Variants in BAALC observed in about 807,000 individuals in gnomAD.
BAALC encodes the protein BAALC binder of MAP3K1 and KLF4.
A neutral mutation model predicts 15.5 loss-of-function variants in BAALC; 9 were observed. The ratio of observed to expected loss-of-function variants is 0.58; its 90% CI spans 0.35 to 1.02. The LOEUF (loss-of-function observed/expected upper bound fraction) is 1.02, where lower values mean the gene tolerates loss of function less well. Ranked by LOEUF, BAALC falls within the 50% of genes least tolerant of loss-of-function variation. The pLI, the probability that BAALC is intolerant of heterozygous loss-of-function variation, is 0.02. For missense variants in BAALC, 201 were observed against 192.4 expected (o/e 1.04, Z -0.27); for synonymous variants, 80 against 74.6 (o/e 1.07, Z -0.37).
intron 1 of BAALC, among the ~76,000 whole-genome samples, chr8:103,166,629 A>AT (rs994363502): frequency 1.3e-5 from 2 of 152,112 alleles, no homozygotes; most frequent in African/African-American, 2.4e-5. Flanking sequence ...ATCTGATTTT[A>AT]TTTTTTTGAA....
At chr8:103,164,799 C>T (rs1187375761) in intron 1 of BAALC, among the ~76,000 whole-genome samples, 1 of 152,194 alleles carries the variant, frequency 6.6e-6, no homozygotes, top group African/African-American at 2.4e-5. Flanking sequence ...CTCTGTTTTC[C>T]CCATACGCCT....
chr8:103,179,595 G>T (rs1235873017), intron 1 of BAALC, among the ~76,000 whole-genome samples: 1 of 152,196 alleles, frequency 6.6e-6, no homozygotes, highest in Non-Finnish European at 1.5e-5. Context: ...GAGATGGCTC[G>T]GCTAAAGTCA....
chr8:103,207,361 T>A (rs570179808), intron 1 of BAALC, among the ~76,000 whole-genome samples: 2 of 152,310 alleles, frequency 1.3e-5, no homozygotes, highest in East Asian at 3.9e-4. Context: ...CCAGCGTATG[T>A]AGCATCTTCA....
At chr8:103,184,688 A>T (rs713369) in intron 1 of BAALC, among the ~76,000 whole-genome samples, 15,530 of 152,188 alleles carry the variant, frequency 0.1, 1,048 homozygotes, top group East Asian at 0.33. Flanking sequence ...TGTATATGGG[A>T]GGGAGGACAA....
intron 1 of BAALC, among the ~76,000 whole-genome samples, chr8:103,193,697 G>A (rs1812026260): frequency 6.6e-6 from 1 of 152,178 alleles, no homozygotes; most frequent in South Asian, 2.1e-4. Flanking sequence ...TTCCTAGTCT[G>A]TAAAATGAGA....
At chr8:103,158,224 T>A (rs150785935) in intron 1 of BAALC, among the ~76,000 whole-genome samples, 295 of 152,314 alleles carry the variant, frequency 1.9e-3, no homozygotes, top group South Asian at 4.1e-3. Context: ...GCTGATTGCC[T>A]CCCTGTGGTG....
At chr8:103,152,869 C>T (rs1811014511) in intron 1 of BAALC, among the ~76,000 whole-genome samples, 1 of 152,192 alleles carries the variant, frequency 6.6e-6, no homozygotes, top group Non-Finnish European at 1.5e-5. Context: ...CTGCGAGATG[C>T]TGCACCATCT....
chr8:103,226,150 T>A (rs1350809797), intron 2 of BAALC, among the ~76,000 whole-genome samples: 1 of 152,110 alleles, frequency 6.6e-6, no homozygotes, highest in Non-Finnish European at 1.5e-5. Flanking sequence ...GACCAAGATG[T>A]CATTATACAG....
intron 1 of BAALC, among the ~76,000 whole-genome samples, chr8:103,174,952 G>T (rs1325221172): frequency 6.6e-6 from 1 of 152,128 alleles, no homozygotes; most frequent in African/African-American, 2.4e-5. Flanking sequence ...TTGAAAAAAT[G>T]GTAACCACTG....
At chr8:103,221,901 C>T (rs140865692) in intron 2 of BAALC, among the ~76,000 whole-genome samples, 4 of 152,158 alleles carry the variant, frequency 2.6e-5, no homozygotes, top group African/African-American at 9.6e-5. Flanking sequence ...AGAGTATGTG[C>T]CCAAGGTGGT....
intron 1 of BAALC, among the ~76,000 whole-genome samples, chr8:103,145,903 T>C (rs1232907603): frequency 1.3e-5 from 2 of 152,228 alleles, no homozygotes; most frequent in Non-Finnish European, 1.5e-5. Context: ...TTTCATCTTA[T>C]TGGTTTCAGT....
chr8:103,165,286 ATC>A (rs1811319327), intron 1 of BAALC, among the ~76,000 whole-genome samples: 1 of 152,180 alleles, frequency 6.6e-6, no homozygotes, highest in Non-Finnish European at 1.5e-5. Context: ...AGCCATTGGC[ATC>A]TTGGGTGGGA....
chr8:103,192,040 AATTATT>A (rs1811979871), intron 1 of BAALC, among the ~76,000 whole-genome samples: 2 of 152,008 alleles, frequency 1.3e-5, no homozygotes, highest in African/African-American at 4.8e-5. Context: ...ACAACTACTT[AATTATT>A]ATTATTATTG....
chr8:103,208,766 C>A (rs563934232), intron 1 of BAALC, among the ~76,000 whole-genome samples: 1 of 152,184 alleles, frequency 6.6e-6, no homozygotes, highest in Non-Finnish European at 1.5e-5. Context: ...TTCCCTGCTG[C>A]CTGCTCTTGA....
chr8:103,142,912 C>T (rs896384119), intron 1 of BAALC, among the ~76,000 whole-genome samples: 4 of 152,186 alleles, frequency 2.6e-5, no homozygotes, highest in African/African-American at 7.2e-5. Context: ...ATGGGCCAGC[C>T]CTGCCAGAGA....
In BAALC at chr8:103,230,241, A is replaced by G. The variant is rs1554615566; in HGVS notation, c.*2142A>G. 1 of 152,152 alleles carries G rather than the reference A, an allele frequency of 6.6e-6. No individual in the cohort carries two copies. Among genetic ancestry groups the G allele is most frequent in the Non-Finnish European group, 1.5e-5 (1 of 68,026 alleles). 9.4% of individuals were successfully genotyped at this position (152,152 alleles called of 1,614,324 possible). A position where few individuals can be genotyped will look rare whatever the true frequency, so the allele number is the denominator to read the frequency against. On this transcript the variant is annotated 3_prime_UTR_variant, in exon 3 of 3. Transcript: ENST00000309982. The stretch of plus-strand genomic sequence containing the variant: ...TATGAGACAGAAACTAATCCTTACT[A>G]TCCTATTAGGATACCACTTTTCATT...
chr8:103,153,443 A>T lies in BAALC; in HGVS notation c.160+12386A>T, dbSNP rs541142323. On this transcript the variant is annotated intron_variant, in intron 1 of 2. Transcript: ENST00000309982. Reference sequence around the variant, plus strand: ...TTTCAAGTAAGTTCATAAGGTGAACATTCTCTGGAAAAACCACATATGCTA... The same window carrying T: ...TTTCAAGTAAGTTCATAAGGTGAACTTTCTCTGGAAAAACCACATATGCTA... The T allele has an allele frequency of 1.4e-4, 22 of 152,368 alleles. No individual in the cohort carries two copies. The South Asian group carries it at 4.6e-3, about 32-fold the overall frequency. The allele number at this position is 152,368 out of a possible 1,614,324, so 9.4% of individuals were successfully genotyped here.
chr8:103,172,293 T>C (rs1236380614), intron 1 of BAALC, among the ~76,000 whole-genome samples: 1 of 151,904 alleles, frequency 6.6e-6, no homozygotes, highest in Admixed American at 6.6e-5. Context: ...GATAAAATGA[T>C]CCAGAGGCCA....
At chr8:103,163,723 A>T (rs1811280300) in intron 1 of BAALC, among the ~76,000 whole-genome samples, 1 of 151,958 alleles carries the variant, frequency 6.6e-6, no homozygotes, top group Non-Finnish European at 1.5e-5. Context: ...GCCCTTCCTG[A>T]ATGTGGGGGC....
Sources: allele counts gnomAD v4.1 joint callset (sites outside exome capture counted in the v4.1 genomes callset), GRCh38; gene constraint gnomAD v4.1.1; transcripts MANE v1.5; gene names NCBI Gene and HGNC (gene_info 2026-07-23, HGNC 2026-07-21).